Variants in NOL10 observed in about 807,000 individuals in gnomAD.
The protein encoded by NOL10 is H_NH0074G24.1.
In NOL10, 58 loss-of-function variants were observed where a neutral mutation model predicts 103.5. That is an observed-to-expected ratio of 0.56 (90% CI 0.45 to 0.70). The LOEUF is 0.70. Among genes scored for constraint, NOL10 ranks in the 30% least tolerant of loss-of-function variants. The probability of loss-of-function intolerance (pLI) is 0.00; values close to 1 mark genes in which losing one functional copy is unlikely to be tolerated. For missense variants in NOL10, 763 were observed against 807.3 expected (o/e 0.95, Z 0.67); for synonymous variants, 287 against 282.5 (o/e 1.02, Z -0.16).
chr2:10,650,748 C>T (rs1415004514), intron 12 of NOL10, among the ~76,000 whole-genome samples: 4 of 151,960 alleles, frequency 2.6e-5, no homozygotes, highest in African/African-American at 9.7e-5. Flanking sequence ...AATGTGAAAC[C>T]CTGTCTCTGA....
chr2:10,673,208 A>G, intron 5 of NOL10: 1 of 219,134 alleles, frequency 4.6e-6, no homozygotes, highest in East Asian at 9.5e-5. Context: ...AATCAGAATC[A>G]CAAATCTAGA....
chr2:10,683,488 A>C (rs1479742072), intron 2 of NOL10, among the ~76,000 whole-genome samples: 2 of 152,206 alleles, frequency 1.3e-5, no homozygotes, highest in Non-Finnish European at 2.9e-5. Flanking sequence ...TACACAAGAG[A>C]GCAAAGCAAT....
intron 13 of NOL10, among the ~76,000 whole-genome samples, chr2:10,612,916 C>A (rs576035407): frequency 2.0e-5 from 3 of 151,098 alleles, no homozygotes; most frequent in African/African-American, 7.3e-5. Context: ...GTGGTCCCAG[C>A]TATTCCTGAG....
intron 3 of NOL10, among the ~76,000 whole-genome samples, chr2:10,681,061 G>A (rs1188474605): frequency 6.6e-6 from 1 of 152,122 alleles, no homozygotes; most frequent in African/African-American, 2.4e-5. Context: ...AAGTTTCCCA[G>A]AACACTAAAC....
At chr2:10,636,420 C>CAAA (rs70953327) in intron 13 of NOL10, among the ~76,000 whole-genome samples, 1,090 of 54,674 alleles carry the variant, frequency 0.02, 102 homozygotes, top group Non-Finnish European at 0.027. Flanking sequence ...TACAAAAAAC[C>CAAA]AAAAAAAAAA....
chr2:10,654,774 C>A (rs1422870898), intron 11 of NOL10, among the ~76,000 whole-genome samples: 1 of 151,700 alleles, frequency 6.6e-6, no homozygotes, highest in African/African-American at 2.4e-5. Flanking sequence ...AAGAAGTGAC[C>A]TGTCCAAAAA....
chr2:10,607,314 G>T lies in NOL10; in HGVS notation c.1027-3C>A, dbSNP rs761604569. 6.3e-7 allele frequency: 1 copy of T among 1,594,410 alleles called. No homozygotes were observed. On this transcript the variant is annotated splice_polypyrimidine_tract_variant and splice_region_variant and intron_variant, in intron 13 of 20. Coordinates refer to ENST00000381685, the MANE Select transcript of NOL10 (RefSeq NM_024894.4). ...CACCGAGGAGCAGGACCCAAAACCTGTTGGTGTTTATGAGAAGGTCAGCAA... is the reference window on the plus strand; with the variant it reads ...CACCGAGGAGCAGGACCCAAAACCTTTTGGTGTTTATGAGAAGGTCAGCAA...
chr2:10,578,022 A>G (rs1674545650), intron 19 of NOL10, among the ~76,000 whole-genome samples: 1 of 152,202 alleles, frequency 6.6e-6, no homozygotes, highest in Admixed American at 6.5e-5. Context: ...TTTCTTACTA[A>G]AATCAATCAT....
At position 10,595,587 on chromosome 2, in the gene NOL10, TGTTTTG is replaced by T. The variant is rs1460629569; in HGVS notation, c.1422+5260_1422+5265del. On this transcript the variant is annotated intron_variant, in intron 17 of 20. Coordinates refer to ENST00000381685, the MANE Select transcript of NOL10 (RefSeq NM_024894.4). The stretch of plus-strand genomic sequence containing the variant: ...TGATGGGATTACAGAAATGTTTTTT[TGTTTTG>T]TTTTGTTTTTGTTTGTTTGTTTGTT... Among the ~76,000 whole-genome samples, 1,046 of 144,666 alleles carry T rather than the reference TGTTTTG, an allele frequency of 7.2e-3. 12 individuals are homozygous for T. Among genetic ancestry groups the T allele is most frequent in the African/African-American group, 0.012 (495 of 39,880 alleles). The allele number at this position is 144,666 out of a possible 152,430, so 94.9% of individuals were successfully genotyped here. A position where few individuals can be genotyped will look rare whatever the true frequency, so the allele number is the denominator to read the frequency against.
At chr2:10,678,510 G>A (rs1285114955) in intron 3 of NOL10, among the ~76,000 whole-genome samples, 1 of 151,344 alleles carries the variant, frequency 6.6e-6, no homozygotes, top group Non-Finnish European at 1.5e-5. Flanking sequence ...CAACCACTAA[G>A]GATAGGTTTG....
chr2:10,620,671 G>A (rs1164997700), intron 13 of NOL10, among the ~76,000 whole-genome samples: 1 of 152,192 alleles, frequency 6.6e-6, no homozygotes, highest in African/African-American at 2.4e-5. Context: ...AGTATGCATA[G>A]TTTCCTCTGA....
intron 13 of NOL10, among the ~76,000 whole-genome samples, chr2:10,639,348 G>A (rs1054245569): frequency 6.6e-6 from 1 of 152,156 alleles, no homozygotes; most frequent in African/African-American, 2.4e-5. Context: ...CGTGAAGCCG[G>A]GAGGCAGAGC....
chr2:10,596,268 G>GGGGGA (rs1553298216), intron 17 of NOL10, among the ~76,000 whole-genome samples: 3 of 81,386 alleles, frequency 3.7e-5, no homozygotes, highest in African/African-American at 2.3e-4. Context: ...GGGGGCGGGG[G>GGGGGA]GCGGGCGCGA....
At chr2:10,668,456 A>G (rs1281205271) in intron 7 of NOL10, among the ~76,000 whole-genome samples, 1 of 152,210 alleles carries the variant, frequency 6.6e-6, no homozygotes, top group Admixed American at 6.5e-5. Flanking sequence ...GTAGATGAAA[A>G]AAAGCTTTCA....
chr2:10,633,975 T>C (rs143068030), intron 13 of NOL10, among the ~76,000 whole-genome samples: 32 of 152,098 alleles, frequency 2.1e-4, no homozygotes, highest in Non-Finnish European at 4.1e-4. Flanking sequence ...TACAGACACA[T>C]GTCACCACAC....
At chr2:10,666,037 C>T (rs1680546520) in intron 8 of NOL10, among the ~76,000 whole-genome samples, 1 of 152,014 alleles carries the variant, frequency 6.6e-6, no homozygotes, top group Non-Finnish European at 1.5e-5. Context: ...TGCCTCCCTC[C>T]CTCCCTTCCC....
intron 14 of NOL10, 77 bp from the exon 15 acceptor site, chr2:10,603,234 A>G: frequency 4.8e-6 from 5 of 1,035,694 alleles, no homozygotes; most frequent in East Asian, 2.6e-5. Context: ...TTGGGCAACA[A>G]TTTGATTATA....
At position 10,571,849 on chromosome 2, in the gene NOL10, A is replaced by C; in HGVS notation, c.*222T>G. 2.4e-6 allele frequency: 1 copy of C among 421,704 alleles called. No homozygotes were observed. The allele number at this position is 421,704 out of a possible 1,614,324, so 26.1% of individuals were successfully genotyped here. Reference sequence around the variant, plus strand: ...GAAAGGACAATGTTTCCAGGGAGCAACGACTCGCAAGCACACCCCTGGGGC... The same window carrying C: ...GAAAGGACAATGTTTCCAGGGAGCACCGACTCGCAAGCACACCCCTGGGGC... On this transcript the variant is annotated 3_prime_UTR_variant, in exon 21 of 21. Transcript: ENST00000381685.
intron 13 of NOL10, among the ~76,000 whole-genome samples, chr2:10,638,261 G>A (rs193296155): frequency 6.1e-4 from 93 of 151,982 alleles, no homozygotes; most frequent in African/African-American, 2.1e-3. Flanking sequence ...CTCCAGACAG[G>A]GTGACAGAGC....
Sources: gnomAD v4.1 joint callset for allele counts (sites outside exome capture counted in the v4.1 genomes callset) on GRCh38, gnomAD v4.1.1 for gene constraint, MANE v1.5 for transcripts, NCBI Gene and HGNC (gene_info 2026-07-23, HGNC 2026-07-21) for gene names.